Variants in HS6ST3 observed in about 807,000 individuals in gnomAD.
HS6ST3 encodes heparan sulfate 6-O-sulfotransferase 3.
HS6ST3 carries 12 observed loss-of-function variants against 36.7 expected under a neutral mutation model. The ratio of observed to expected loss-of-function variants is 0.33; its 90% CI spans 0.21 to 0.53. The LOEUF (loss-of-function observed/expected upper bound fraction) is 0.53. Among genes scored for constraint, HS6ST3 ranks in the 20% least tolerant of loss-of-function variants. HS6ST3 has a pLI of 0.95. For synonymous variants in HS6ST3, 240 were observed against 257.5 expected (o/e 0.93, Z 0.65); for missense variants, 584 against 640.9 (o/e 0.91, Z 0.96).
chr13:96,430,421 G>A lies in HS6ST3; in HGVS notation c.707+338852G>A, dbSNP rs567291489. Among the ~76,000 whole-genome samples, 8 of 152,290 alleles carry A rather than the reference G, an allele frequency of 5.3e-5. No homozygotes were observed. In the South Asian group the frequency reaches 1.7e-3, roughly 32 times the overall value. ...TTATCTAATACCTTTCCAGGACGGT[G>A]TCTCCATGAACTTATGATGCTACCC... On this transcript the variant is annotated intron_variant, in intron 1 of 1. Transcript: ENST00000376705.
rs544451048 is a variant in HS6ST3, at chr13:96,395,084, C to T, written c.707+303515C>T. On this transcript the variant is annotated intron_variant, in intron 1 of 1. Transcript: ENST00000376705. ...GTCTTCTCAAAAGAAAAGCTTCTGGCTAATGCACTTATATTATTTGGAAGA... is the reference window on the plus strand; with the variant it reads ...GTCTTCTCAAAAGAAAAGCTTCTGGTTAATGCACTTATATTATTTGGAAGA... Among the ~76,000 whole-genome samples, 11 of 152,230 alleles carry T rather than the reference C, an allele frequency of 7.2e-5. 1 individual carries two copies. The highest frequency in any genetic ancestry group is 2.6e-4 in the African/African-American group (11 of 41,550).
intron 1 of HS6ST3, among the ~76,000 whole-genome samples, chr13:96,442,563 C>T (rs1594781355): frequency 6.6e-6 from 1 of 152,022 alleles, no homozygotes; most frequent in East Asian, 1.9e-4. Flanking sequence ...TAGGAAATTA[C>T]TTGAACATGG....
chr13:96,685,236 TATTG>T (rs1427091288), intron 1 of HS6ST3, among the ~76,000 whole-genome samples: 3 of 152,084 alleles, frequency 2.0e-5, no homozygotes, highest in African/African-American at 7.2e-5. Context: ...GTGGCCCAGA[TATTG>T]ATTATTTTGC....
chr13:96,120,552 G>GT (rs374902040), intron 1 of HS6ST3, among the ~76,000 whole-genome samples: 8 of 151,842 alleles, frequency 5.3e-5, no homozygotes, highest in South Asian at 2.1e-4. Context: ...GTTAAAACAA[G>GT]TTTTTTTTCT....
At chr13:96,155,106 A>C (rs2054104211) in intron 1 of HS6ST3, among the ~76,000 whole-genome samples, 1 of 152,174 alleles carries the variant, frequency 6.6e-6, no homozygotes. Flanking sequence ...GTATTACAAT[A>C]CATGTAAGAC....
At chr13:96,350,401 C>T (rs1422905015) in intron 1 of HS6ST3, among the ~76,000 whole-genome samples, 2 of 152,174 alleles carry the variant, frequency 1.3e-5, no homozygotes, top group South Asian at 2.1e-4. Flanking sequence ...CAAACCTGCT[C>T]ATAAATCTGG....
intron 1 of HS6ST3, among the ~76,000 whole-genome samples, chr13:96,824,411 T>G (rs1220776718): frequency 6.6e-6 from 1 of 152,330 alleles, no homozygotes; most frequent in East Asian, 1.9e-4. Context: ...GCAATTCTAG[T>G]CTCCAACTTC....
chr13:96,751,818 A>G (rs1404493531), intron 1 of HS6ST3, among the ~76,000 whole-genome samples: 6 of 151,464 alleles, frequency 4.0e-5, no homozygotes, highest in South Asian at 2.1e-4. Flanking sequence ...ATATATATAT[A>G]CACATATGTA....
At chr13:96,500,131 C>G (rs1594794836) in intron 1 of HS6ST3, among the ~76,000 whole-genome samples, 7 of 152,230 alleles carry the variant, frequency 4.6e-5, no homozygotes, top group Admixed American at 1.3e-4. Context: ...GACTTTCTGC[C>G]TCTGTGGATT....
chr13:96,446,465 G>A (rs2055699716), intron 1 of HS6ST3, among the ~76,000 whole-genome samples: 1 of 152,078 alleles, frequency 6.6e-6, no homozygotes, highest in Non-Finnish European at 1.5e-5. Flanking sequence ...ACTGGTACAG[G>A]GTAACAAGTG....
chr13:96,707,799 T>G (rs1875464895), intron 1 of HS6ST3, among the ~76,000 whole-genome samples: 1 of 152,228 alleles, frequency 6.6e-6, no homozygotes, highest in Non-Finnish European at 1.5e-5. Context: ...CTGGGATTAG[T>G]TTATTTCACT....
At chr13:96,681,057 T>A (rs546786717) in intron 1 of HS6ST3, among the ~76,000 whole-genome samples, 1 of 152,192 alleles carries the variant, frequency 6.6e-6, no homozygotes, top group African/African-American at 2.4e-5. Context: ...ACGTGCCATA[T>A]AGATATTTGT....
At chr13:96,409,929 T>C (rs2055498746) in intron 1 of HS6ST3, among the ~76,000 whole-genome samples, 1 of 152,142 alleles carries the variant, frequency 6.6e-6, no homozygotes, top group African/African-American at 2.4e-5. Context: ...CTGAAATAAA[T>C]TTTAGTGGGA....
intron 1 of HS6ST3, among the ~76,000 whole-genome samples, chr13:96,140,930 T>G (rs2054029040): frequency 6.6e-6 from 1 of 152,184 alleles, no homozygotes; most frequent in South Asian, 2.1e-4. Flanking sequence ...AGAAAGAGGT[T>G]TGGCTTAAAA....
chr13:96,412,318 A>G (rs1003842332), intron 1 of HS6ST3, among the ~76,000 whole-genome samples: 3 of 152,090 alleles, frequency 2.0e-5, no homozygotes, highest in African/African-American at 7.2e-5. Context: ...TGATATTTCT[A>G]AGAGGAGAAG....
intron 1 of HS6ST3, among the ~76,000 whole-genome samples, chr13:96,568,021 C>T (rs1404047989): frequency 6.6e-6 from 1 of 152,126 alleles, no homozygotes; most frequent in Non-Finnish European, 1.5e-5. Flanking sequence ...TATACAGCTG[C>T]TGGGAATTTG....
At chr13:96,569,184 C>T (rs893323695) in intron 1 of HS6ST3, among the ~76,000 whole-genome samples, 2 of 152,168 alleles carry the variant, frequency 1.3e-5, no homozygotes, top group Non-Finnish European at 1.5e-5. Context: ...TACTGAGCTT[C>T]TACTAGACGT....
At chr13:96,496,367 G>A (rs1246003785) in intron 1 of HS6ST3, among the ~76,000 whole-genome samples, 2 of 152,058 alleles carry the variant, frequency 1.3e-5, no homozygotes, top group East Asian at 1.9e-4. Flanking sequence ...GTACACTCAC[G>A]CTGCTTGACC....
chr13:96,260,434 C>T (rs2054659759), intron 1 of HS6ST3, among the ~76,000 whole-genome samples: 1 of 152,060 alleles, frequency 6.6e-6, no homozygotes, highest in Middle Eastern at 3.4e-3. Context: ...GCCTCAGCCT[C>T]CCAAGTAGCT....
Sources: allele counts gnomAD v4.1 joint callset (sites outside exome capture counted in the v4.1 genomes callset), GRCh38; gene constraint gnomAD v4.1.1; transcripts MANE v1.5; gene names NCBI Gene and HGNC (gene_info 2026-07-23, HGNC 2026-07-21).